Variants in LAPTM4B observed in about 807,000 individuals in gnomAD.
The protein encoded by LAPTM4B is lysosomal-associated transmembrane protein 4B.
A neutral mutation model predicts 28.5 loss-of-function variants in LAPTM4B; 26 were observed. The observed-to-expected ratio is 0.91, with a 90% CI of 0.67 to 1.27. The LOEUF (loss-of-function observed/expected upper bound fraction) is 1.27. LAPTM4B is among the 50% of genes most tolerant of loss of function. LAPTM4B has a pLI of 0.00. For synonymous variants in LAPTM4B, 109 were observed against 106.4 expected, an observed-to-expected ratio of 1.02 and a Z score of -0.15; for missense variants, 288 against 285.8, an observed-to-expected ratio of 1.01 and a Z score of -0.06.
rs185753967 is a variant in LAPTM4B at position 97,812,306 on chromosome 8, A to T, written c.212-3022A>T. 3.0e-4 allele frequency among the ~76,000 whole-genome samples: 41 copies of T among 136,796 alleles called. No individual in the cohort carries two copies. The East Asian group carries it at 8.8e-3, about 29-fold the overall frequency. 89.7% of individuals were successfully genotyped at this position (136,796 alleles called of 152,430 possible). A position where few individuals can be genotyped will look rare whatever the true frequency, so the allele number is the denominator to read the frequency against. On this transcript the variant is annotated intron_variant, in intron 2 of 6. Transcript: ENST00000521545. ...GCTATCTTGGCTCACTGCAACCTCC[A>T]CCTCCCAGGTTCAAGTGATTCTCCT...
intron 1 of LAPTM4B, among the ~76,000 whole-genome samples, chr8:97,777,181 C>A (rs1218487139): frequency 8.8e-6 from 1 of 113,634 alleles, no homozygotes; most frequent in East Asian, 3.0e-4. Flanking sequence ...GAGTCTCACT[C>A]TGTGGCCCGG....
intron 2 of LAPTM4B, among the ~76,000 whole-genome samples, chr8:97,808,129 T>C (rs1371142628): frequency 6.6e-6 from 1 of 151,242 alleles, no homozygotes; most frequent in Non-Finnish European, 1.5e-5. Flanking sequence ...CCAATTTTCA[T>C]AATTTTCAAG....
chr8:97,839,090 C>A (rs1319916), intron 6 of LAPTM4B, among the ~76,000 whole-genome samples: 1 of 152,114 alleles, frequency 6.6e-6, no homozygotes, highest in African/African-American at 2.4e-5. Flanking sequence ...CTCCCAAAAC[C>A]TTTTCCTTGG....
chr8:97,801,804 A>G (rs1047907872), intron 1 of LAPTM4B, among the ~76,000 whole-genome samples: 1 of 147,062 alleles, frequency 6.8e-6, no homozygotes, highest in Non-Finnish European at 1.5e-5. Flanking sequence ...AGCTTGCGCC[A>G]CTGCACTCCA....
intron 1 of LAPTM4B, among the ~76,000 whole-genome samples, chr8:97,783,061 C>G (rs1816347342): frequency 7.1e-6 from 1 of 139,938 alleles, no homozygotes; most frequent in South Asian, 2.3e-4. Context: ...GTGTGAGCCA[C>G]CGCGCCCGGC....
intron 6 of LAPTM4B, among the ~76,000 whole-genome samples, chr8:97,837,846 C>G (rs187166815): frequency 7.8e-4 from 119 of 152,320 alleles, no homozygotes; most frequent in African/African-American, 2.7e-3. Flanking sequence ...TTTCAAGCTT[C>G]TTGCCTACTA....
intron 6 of LAPTM4B, among the ~76,000 whole-genome samples, chr8:97,834,687 T>C (rs149870983): frequency 0.015 from 2,318 of 152,244 alleles, 28 homozygotes; most frequent in Non-Finnish European, 0.024. Flanking sequence ...GCCTCCTGAG[T>C]AGCTGGGACT....
At chr8:97,839,599 C>T (rs1256598318) in intron 6 of LAPTM4B, among the ~76,000 whole-genome samples, 1 of 152,162 alleles carries the variant, frequency 6.6e-6, no homozygotes. Context: ...ACTACACGAG[C>T]ACTTGTAAAC....
intron 2 of LAPTM4B, among the ~76,000 whole-genome samples, chr8:97,812,233 T>G (rs1420163758): frequency 6.7e-6 from 1 of 148,896 alleles, no homozygotes; most frequent in African/African-American, 2.5e-5. Flanking sequence ...TTTTGTTTTT[T>G]TTTTGAGTCG....
At chr8:97,802,379 A>G (rs563296799) in intron 1 of LAPTM4B, among the ~76,000 whole-genome samples, 41 of 152,274 alleles carry the variant, frequency 2.7e-4, no homozygotes, top group Non-Finnish European at 3.1e-4. Flanking sequence ...CATATAGGGT[A>G]ACTACCTGAC....
At chr8:97,816,517 G>A (rs1433600673) in intron 4 of LAPTM4B, among the ~76,000 whole-genome samples, 1 of 152,020 alleles carries the variant, frequency 6.6e-6, no homozygotes, top group Non-Finnish European at 1.5e-5. Context: ...GGCTGGTCTT[G>A]AACTCCTGAC....
chr8:97,844,949 A>G (rs1329883399), intron 6 of LAPTM4B, among the ~76,000 whole-genome samples: 1 of 152,138 alleles, frequency 6.6e-6, no homozygotes, highest in Non-Finnish European at 1.5e-5. Flanking sequence ...CACATCCCTA[A>G]AAATCATAGA....
intron 1 of LAPTM4B, among the ~76,000 whole-genome samples, chr8:97,793,698 A>T (rs2129745768): frequency 6.6e-6 from 1 of 152,348 alleles, no homozygotes; most frequent in East Asian, 1.9e-4. Context: ...TCCCAAATTG[A>T]TATACTAGAA....
chr8:97,848,008 A>G (rs1817457952), intron 6 of LAPTM4B, among the ~76,000 whole-genome samples: 1 of 152,216 alleles, frequency 6.6e-6, no homozygotes, highest in Non-Finnish European at 1.5e-5. Flanking sequence ...TCATGCCTAT[A>G]ATCCCTGTAC....
chr8:97,781,759 T>C (rs1816323952), intron 1 of LAPTM4B, among the ~76,000 whole-genome samples: 1 of 152,234 alleles, frequency 6.6e-6, no homozygotes, highest in African/African-American at 2.4e-5. Flanking sequence ...AATTATGCTG[T>C]GTGTACCCTT....
intron 1 of LAPTM4B, among the ~76,000 whole-genome samples, chr8:97,784,508 C>T (rs923412779): frequency 6.6e-6 from 1 of 152,084 alleles, no homozygotes; most frequent in Non-Finnish European, 1.5e-5. Flanking sequence ...GGTGGGATCT[C>T]CACTCACTGC....
Position 97,819,820 on chromosome 8 carries a change from C to T in LAPTM4B, c.507+582C>T, listed in dbSNP as rs558645670. ...CGCAACCTCGGCTTACTGCGAGCTT[C>T]GCCTCCCGGCTTCACGCCATTATCT... On this transcript the variant is annotated intron_variant, in intron 5 of 6. Coordinates refer to ENST00000521545, the MANE Select transcript of LAPTM4B (RefSeq NM_018407.6). 6.7e-5 allele frequency among the ~76,000 whole-genome samples: 10 copies of T among 148,558 alleles called. No individual in the cohort carries two copies. The East Asian group carries it at 1.0e-3, about 15-fold the overall frequency.
intron 2 of LAPTM4B, among the ~76,000 whole-genome samples, chr8:97,808,333 G>T (rs1206429308): frequency 2.0e-5 from 3 of 151,980 alleles, no homozygotes; most frequent in African/African-American, 7.2e-5. Context: ...GGTAATCCCA[G>T]CTACTCAGGA....
intron 1 of LAPTM4B, among the ~76,000 whole-genome samples, chr8:97,796,917 G>A (rs892898434): frequency 6.6e-6 from 1 of 152,054 alleles, no homozygotes; most frequent in Non-Finnish European, 1.5e-5. Context: ...TCCAGCTTGC[G>A]TGACAGAGTG....
Sources: allele counts gnomAD v4.1 joint callset (sites outside exome capture counted in the v4.1 genomes callset), GRCh38; gene constraint gnomAD v4.1.1; transcripts MANE v1.5; gene names NCBI Gene and HGNC (gene_info 2026-07-23, HGNC 2026-07-21).